Variants in INO80 observed in about 807,000 individuals in gnomAD.
INO80 encodes the protein INO80 complex ATPase subunit.
INO80 carries 20 observed loss-of-function variants against 203.4 expected under a neutral mutation model. That is an observed-to-expected ratio of 0.10 (90% confidence interval 0.07 to 0.14). The LOEUF is 0.14. INO80 is among the 10% of genes least tolerant of loss of function. INO80 has a pLI of 1.00. For missense variants in INO80, 1,419 were observed against 1,914.4 expected, an observed-to-expected ratio of 0.74 and a Z score of 4.83; for synonymous variants, 726 against 685.2, an observed-to-expected ratio of 1.06 and a Z score of -0.93.
intron 29 of INO80, among the ~76,000 whole-genome samples, chr15:40,989,352 T>G (rs1237832410): frequency 6.6e-6 from 1 of 152,146 alleles, no homozygotes; most frequent in African/African-American, 2.4e-5. Flanking sequence ...ACAAAATATA[T>G]CACCACTAAG....
In INO80 at chr15:41,056,618, C is replaced by T. The variant is rs373331200; in HGVS notation, c.2070+4G>A. 1.1e-5 allele frequency: 17 copies of T among 1,608,044 alleles called. No homozygotes were observed. Among genetic ancestry groups the T allele is most frequent in the Non-Finnish European group, 1.4e-5 (17 of 1,174,600 alleles). On this transcript the variant is annotated splice_donor_region_variant and intron_variant, in intron 17 of 35. Transcript: ENST00000648947. ...ATAAACCTGTGACCTGGACTAGTGCCTACCTCTGCCATGGTGTTCTGAATT... is the reference window on the plus strand; with the variant it reads ...ATAAACCTGTGACCTGGACTAGTGCTTACCTCTGCCATGGTGTTCTGAATT...
chr15:41,026,191 T>A (rs912906985), intron 25 of INO80, among the ~76,000 whole-genome samples: 1 of 152,120 alleles, frequency 6.6e-6, no homozygotes, highest in Non-Finnish European at 1.5e-5. Flanking sequence ...GAACGCAAGC[T>A]GATAAAAAAT....
At position 41,020,973 on chromosome 15, in the gene INO80, C is replaced by A. The variant is rs1374673364; in HGVS notation, c.3201G>T (p.Gln1067His). The change falls in exon 26 of 36, where the codon CAG becomes CAT. Residue 1067 changes from glutamine to histidine, a missense_variant. Transcript: ENST00000648947. ...GACCTCCAGCTGGCTCTGGGAAGAA[C>A]TGTGATCGTCTATTTAGCCAGTCTG... ...LAADWLNRRSQFFPEPAGGLW... is the reference protein window; with the variant it reads ...LAADWLNRRSHFFPEPAGGLW... 1 of 1,614,044 alleles carries A rather than the reference C, an allele frequency of 6.2e-7. No homozygotes were observed. The highest frequency in any genetic ancestry group is 8.5e-7 in the Non-Finnish European group (1 of 1,180,012).
At chr15:41,041,834 CTTTTT>C (rs35077430) in intron 24 of INO80, among the ~76,000 whole-genome samples, 2 of 123,726 alleles carry the variant, frequency 1.6e-5, no homozygotes. Context: ...GAAAGATTTC[CTTTTT>C]TTTTTTTTTT....
intron 14 of INO80, among the ~76,000 whole-genome samples, chr15:41,066,716 G>A (rs901569036): frequency 6.6e-6 from 1 of 151,466 alleles, no homozygotes; most frequent in Non-Finnish European, 1.5e-5. Flanking sequence ...GGTAGTCCTA[G>A]CTACTTGGGA....
Position 41,064,777 on chromosome 15 carries a change from G to A in INO80, c.1782+4793C>T, listed in dbSNP as rs117775802. On this transcript the variant is annotated intron_variant, in intron 14 of 35. Coordinates refer to ENST00000648947, the MANE Select transcript of INO80 (RefSeq NM_017553.3). ...TTTGAGAAGCCAAGGTAGAAGGATCGCTTGAGCTCAGGAATTTGAGACCAG... is the reference window on the plus strand; with the variant it reads ...TTTGAGAAGCCAAGGTAGAAGGATCACTTGAGCTCAGGAATTTGAGACCAG... Among the ~76,000 whole-genome samples the A allele has an allele frequency of 3.4e-4, 52 of 152,234 alleles. No individual in the cohort carries two copies. In the East Asian group the frequency reaches 8.7e-3, roughly 25 times the overall value.
chr15:40,982,676 G>A (rs780327559), intron 35 of INO80, among the ~76,000 whole-genome samples, 186 bp downstream of exon 35: 4 of 152,186 alleles, frequency 2.6e-5, no homozygotes, highest in Non-Finnish European at 5.9e-5. Flanking sequence ...TCCACAGACA[G>A]CCCTGTACCG....
chr15:41,009,726 T>C (rs1486648737), intron 27 of INO80, among the ~76,000 whole-genome samples: 3 of 152,064 alleles, frequency 2.0e-5, no homozygotes, highest in Non-Finnish European at 2.9e-5. Context: ...TAGTTGGAAC[T>C]ATAGGCATGC....
intron 14 of INO80, among the ~76,000 whole-genome samples, chr15:41,066,846 C>CAAAAAAAAAAAAAAAAAAAAAAAAGAA (rs58118605): frequency 1.4e-5 from 1 of 70,622 alleles, no homozygotes; most frequent in African/African-American, 4.2e-5. Context: ...AAAAAAAAAG[C>CAAAAAAAAAAAAAAAAAAAAAAAAGAA]AAAAAAAAAA....
In INO80 at chr15:40,983,799, G is replaced by A. The variant is rs779689808; in HGVS notation, c.4200C>T (p.Pro1400=). 1.9e-5 allele frequency: 31 copies of A among 1,612,500 alleles called. No individual in the cohort carries two copies. Among genetic ancestry groups the A allele is most frequent in the East Asian group, 1.8e-4 (8 of 44,880 alleles). The change falls in exon 34 of 36, where the codon CCC becomes CCT. Residue 1400 remains proline (P), a synonymous_variant. Transcript: ENST00000648947. ...SAPQSRATNS[P]ASITGSVSDT... is the part of the protein sequence containing the mutation. ...CTGAGACGGAGCCTGTTATGGATGC[G>A]GGAGAGTTGGTAGCTCGAGACTGAG...
chr15:41,046,253 A>G (rs902888878), intron 23 of INO80, among the ~76,000 whole-genome samples: 3 of 128,560 alleles, frequency 2.3e-5, no homozygotes, highest in African/African-American at 1.0e-4. Context: ...ATATATATAT[A>G]TATTCTTGTT....
At chr15:41,096,413 C>A (rs1197249149) in intron 1 of INO80, 60 bp from the exon 2 acceptor site, 14 of 1,204,040 alleles carry the variant, frequency 1.2e-5, no homozygotes, top group Non-Finnish European at 1.4e-5. Flanking sequence ...CTTTCTCTTG[C>A]CTGCTTGTTC....
At chr15:41,026,396 T>A (rs2044374980) in intron 25 of INO80, among the ~76,000 whole-genome samples, 1 of 151,624 alleles carries the variant, frequency 6.6e-6, no homozygotes, top group African/African-American at 2.4e-5. Flanking sequence ...TTACAAAAAA[T>A]TTAAAAAGTA....
intron 28 of INO80, among the ~76,000 whole-genome samples, chr15:41,000,684 G>A (rs1360945316): frequency 7.0e-6 from 1 of 142,282 alleles, no homozygotes; most frequent in Non-Finnish European, 1.5e-5. Context: ...CAGAGCCTGG[G>A]TGACAGAGTG....
At chr15:41,026,474 G>A (rs922165765) in intron 25 of INO80, among the ~76,000 whole-genome samples, 1 of 151,892 alleles carries the variant, frequency 6.6e-6, no homozygotes, top group African/African-American at 2.4e-5. Flanking sequence ...GATCACTTGA[G>A]CCCAGGAGGT....
intron 1 of INO80, among the ~76,000 whole-genome samples, chr15:41,101,059 G>A (rs2045801727): frequency 6.6e-6 from 1 of 152,010 alleles, no homozygotes; most frequent in Admixed American, 6.6e-5. Context: ...CAAACGCCTG[G>A]CATCAAGTGA....
At chr15:41,045,150 T>G in intron 23 of INO80, 75 bp from the exon 24 acceptor site, 2 of 1,113,210 alleles carry the variant, frequency 1.8e-6, no homozygotes, top group Non-Finnish European at 2.5e-6. Context: ...CAGCAAGGAT[T>G]GTCTCTCATT....
At chr15:41,085,222 T>C (rs2045542848) in intron 7 of INO80, 147 bp downstream of exon 7, 2 of 694,070 alleles carry the variant, frequency 2.9e-6, no homozygotes, top group Admixed American at 2.6e-5. Context: ...ACTGAAAGAG[T>C]ACTACTCAGC....
At chr15:41,044,663 G>A (rs1215345604) in intron 24 of INO80, among the ~76,000 whole-genome samples, 1 of 150,910 alleles carries the variant, frequency 6.6e-6, no homozygotes, top group Non-Finnish European at 1.5e-5. Context: ...TCACAGAGCT[G>A]TACACTTAAG....
Sources: gnomAD v4.1 joint callset for allele counts (sites outside exome capture counted in the v4.1 genomes callset) on GRCh38, gnomAD v4.1.1 for gene constraint, MANE v1.5 for transcripts, NCBI Gene and HGNC (gene_info 2026-07-23, HGNC 2026-07-21) for gene names.